PRDM16: variants seen among roughly 807,000 people sequenced by gnomAD.
PRDM16 encodes PR/SET domain 16.
PRDM16 carries 23 observed loss-of-function variants against 110.6 expected under a neutral mutation model. The observed-to-expected ratio is 0.21, with a 90% CI of 0.15 to 0.29. The LOEUF is 0.29. PRDM16 is among the 10% of genes least tolerant of loss of function. PRDM16 has a pLI of 1.00. For synonymous variants in PRDM16, 799 were observed against 781.8 expected, an observed-to-expected ratio of 1.02 and a Z score of -0.37; for missense variants, 1,615 against 1,794.3, an observed-to-expected ratio of 0.90 and a Z score of 1.81.
chr1:3,122,609 G>T (rs115754592), intron 1 of PRDM16, among the ~76,000 whole-genome samples: 1 of 152,082 alleles, frequency 6.6e-6, no homozygotes, highest in Non-Finnish European at 1.5e-5. Flanking sequence ...ATCATTATAC[G>T]AGTGGAAAAA....
intron 1 of PRDM16, among the ~76,000 whole-genome samples, chr1:3,171,974 G>A (rs963609292): frequency 3.3e-4 from 50 of 152,296 alleles, no homozygotes; most frequent in Middle Eastern, 6.8e-3. Flanking sequence ...CCAGTAGAAC[G>A]GGGTCCCCGG....
In PRDM16 at chr1:3,130,888, A is replaced by C. The variant is rs2788087; in HGVS notation, c.38-55237A>C. ...ACCCACCAGCCCTTGCTCTATGCTC[A>C]GGGCTAGAACGCAGCCGCTTCCTTC... On this transcript the variant is annotated intron_variant, in intron 1 of 16. Coordinates refer to ENST00000270722, the MANE Select transcript of PRDM16 (RefSeq NM_022114.4). Among the ~76,000 whole-genome samples, 2 of 151,500 alleles carry C rather than the reference A, an allele frequency of 1.3e-5. 1 individual carries two copies. The highest frequency in any genetic ancestry group is 4.9e-5 in the African/African-American group (2 of 41,166).
At chr1:3,331,258 TG>T (rs60666748) in intron 3 of PRDM16, among the ~76,000 whole-genome samples, 40 of 151,386 alleles carry the variant, frequency 2.6e-4, no homozygotes, top group African/African-American at 6.8e-4. Flanking sequence ...CCTGCCAGCC[TG>T]GGGGGGGCGC....
rs148313326 is a variant in PRDM16 at position 3,434,116 on chromosome 1, C to T, written c.*305C>T. ...CAGAATCAGCCAGTGGGCAGGTGGA[C>T]GCTCTGCTGAGACAGAAGCTGGTGG... is the stretch of plus-strand genomic sequence containing the variant. On this transcript the variant is annotated 3_prime_UTR_variant, in exon 17 of 17. Transcript: ENST00000270722. 1.0e-3 allele frequency: 379 copies of T among 364,906 alleles called. 1 individual carries two copies. The highest frequency in any genetic ancestry group is 6.6e-3 in the African/African-American group (322 of 48,964). 22.6% of individuals were successfully genotyped at this position (364,906 alleles called of 1,614,324 possible).
intron 1 of PRDM16, among the ~76,000 whole-genome samples, chr1:3,141,986 G>A (rs958630792): frequency 7.2e-5 from 11 of 152,380 alleles, no homozygotes; most frequent in African/African-American, 1.4e-4. Flanking sequence ...CCGCGTTTCC[G>A]AAAACGTGGG....
At chr1:3,215,104 A>G (rs1638988744) in intron 2 of PRDM16, among the ~76,000 whole-genome samples, 1 of 152,138 alleles carries the variant, frequency 6.6e-6, no homozygotes, top group Non-Finnish European at 1.5e-5. Flanking sequence ...CTGCTTCCCC[A>G]TCGCTGCTGT....
At chr1:3,114,191 A>ACACACGCACGCG (rs1553127265) in intron 1 of PRDM16, among the ~76,000 whole-genome samples, 39 of 131,798 alleles carry the variant, frequency 3.0e-4, no homozygotes, top group Non-Finnish European at 5.6e-4. Flanking sequence ...ACACGCACAC[A>ACACACGCACGCG]CGCACACGCA....
intron 3 of PRDM16, among the ~76,000 whole-genome samples, chr1:3,321,296 A>C (rs1464544588): frequency 6.6e-6 from 1 of 152,006 alleles, no homozygotes; most frequent in Non-Finnish European, 1.5e-5. Context: ...CAGTACACAT[A>C]TGTGAGTGTG....
At chr1:3,417,364 T>C (rs191534299) in intron 10 of PRDM16, among the ~76,000 whole-genome samples, 214 of 152,346 alleles carry the variant, frequency 1.4e-3, no homozygotes, top group Non-Finnish European at 3.1e-4. Flanking sequence ...GCTATTGTAA[T>C]TTTTCAAGAC....
In PRDM16 at chr1:3,404,731, C is replaced by T. The variant is rs779168500; in HGVS notation, c.885-8C>T. On this transcript the variant is annotated splice_region_variant and splice_polypyrimidine_tract_variant and intron_variant, in intron 6 of 16. Coordinates refer to ENST00000270722, the MANE Select transcript of PRDM16 (RefSeq NM_022114.4). ...CGGGCCCCGCAGTGAGCCTCGTCCT[C>T]TGCGCAGCCTGGAGCAGCACATGGT... 3 of 1,612,996 alleles carry T rather than the reference C, an allele frequency of 1.9e-6. No individual in the cohort carries two copies. The highest frequency in any genetic ancestry group is 1.3e-5 in the African/African-American group (1 of 74,926).
chr1:3,150,389 C>CAAA (rs34595741), intron 1 of PRDM16, among the ~76,000 whole-genome samples: 120 of 104,506 alleles, frequency 1.1e-3, no homozygotes, highest in African/African-American at 3.5e-3. Context: ...AACCCCATCT[C>CAAA]AAAAAAAAAA....
intron 1 of PRDM16, among the ~76,000 whole-genome samples, chr1:3,097,800 C>G: frequency 6.6e-6 from 1 of 152,242 alleles, no homozygotes; most frequent in South Asian, 2.1e-4. Flanking sequence ...TGTTTGGCCT[C>G]GTGTAGAGAG....
rs377695146 is a variant in PRDM16, at chr1:3,425,563, C to T, written c.2940-18C>T. 1.9e-4 allele frequency: 301 copies of T among 1,611,948 alleles called. No homozygotes were observed. In the African/African-American group the frequency reaches 3.3e-3, roughly 18 times the overall value. On this transcript the variant is annotated intron_variant, in intron 12 of 16. Transcript: ENST00000270722. This position sits in a 1 kb window ranked among gnomAD's most constrained non-coding sequence, Gnocchi z 6.9. ...CAGAGCCGGGGCCTGCACTGAGGAG[C>T]GCGTGTGCCCCTTCCAGGTGTAAGT...
intron 3 of PRDM16, among the ~76,000 whole-genome samples, chr1:3,296,044 T>C (rs1222907582): frequency 6.6e-6 from 1 of 152,140 alleles, no homozygotes; most frequent in Non-Finnish European, 1.5e-5. Flanking sequence ...CATCCTAAGC[T>C]GGGGACTTGC....
intron 3 of PRDM16, among the ~76,000 whole-genome samples, chr1:3,337,085 G>A (rs376897051): frequency 1.5e-4 from 23 of 151,744 alleles, no homozygotes; most frequent in South Asian, 4.2e-4. Flanking sequence ...GTGTGTGAGC[G>A]CATGCATCCA....
At chr1:3,362,837 G>T (rs1642742146) in intron 3 of PRDM16, among the ~76,000 whole-genome samples, 1 of 152,152 alleles carries the variant, frequency 6.6e-6, no homozygotes, top group East Asian at 1.9e-4. Context: ...GGAGCCATAG[G>T]GAGTGTCGGG....
At chr1:3,114,328 G>GCA (rs1642886805) in intron 1 of PRDM16, among the ~76,000 whole-genome samples, 1 of 130,638 alleles carries the variant, frequency 7.7e-6, no homozygotes, top group Admixed American at 8.0e-5. Flanking sequence ...CACACGCAGT[G>GCA]TAAACAGACG....
Position 3,186,310 on chromosome 1 carries a change from C to G in PRDM16, c.223C>G (p.Pro75Ala). The change falls in exon 2 of 17, where the codon CCT (proline) becomes GCT (alanine). Residue 75 changes from proline (P) to alanine (A), a missense_variant. This residue lies in a region of PRDM16 where 416 missense variants were observed against 467.1 expected (regional missense o/e 0.89). Coordinates refer to ENST00000270722, the MANE Select transcript of PRDM16 (RefSeq NM_022114.4). ...GCCGTACGAGGCCCCTGTCTACATTCCTGAAGACATTCCGATCCCAGCAGA... is the reference window on the plus strand; with the variant it reads ...GCCGTACGAGGCCCCTGTCTACATTGCTGAAGACATTCCGATCCCAGCAGA... ...GSPYEAPVYI[P>A]EDIPIPADFE... The G allele has an allele frequency of 6.2e-7, 1 of 1,612,176 alleles. No individual in the cohort carries two copies. Among genetic ancestry groups the G allele is most frequent in the Non-Finnish European group, 8.5e-7 (1 of 1,179,638 alleles).
chr1:3,407,372 G>C (rs552562059), intron 8 of PRDM16, among the ~76,000 whole-genome samples: 17 of 152,226 alleles, frequency 1.1e-4, no homozygotes, highest in Non-Finnish European at 1.8e-4. Flanking sequence ...CCTGCCGGCC[G>C]TTCCACAAGT....
Sources: allele counts gnomAD v4.1 joint callset (sites outside exome capture counted in the v4.1 genomes callset), GRCh38; gene constraint gnomAD v4.1.1; regional missense constraint gnomAD v4.1.1; non-coding constraint Gnocchi (gnomAD v3.1); transcripts MANE v1.5; gene names NCBI Gene and HGNC (gene_info 2026-07-23, HGNC 2026-07-21).